Variants in RAP1GDS1 observed in about 807,000 individuals in gnomAD.
RAP1GDS1 encodes Rap1 GTPase-GDP dissociation stimulator 1.
A neutral mutation model predicts 71.1 loss-of-function variants in RAP1GDS1; 35 were observed. That is an observed-to-expected ratio of 0.49 (90% confidence interval 0.38 to 0.65). The LOEUF is 0.65. Among genes scored for constraint, RAP1GDS1 ranks in the 30% least tolerant of loss-of-function variants. The pLI is 0.00. For missense variants in RAP1GDS1, 663 were observed against 706.1 expected, an observed-to-expected ratio of 0.94 and a Z score of 0.69; for synonymous variants, 229 against 243.1, an observed-to-expected ratio of 0.94 and a Z score of 0.54.
intron 5 of RAP1GDS1, among the ~76,000 whole-genome samples, chr4:98,380,083 A>G (rs1741768539): frequency 9.5e-6 from 1 of 105,676 alleles, no homozygotes; most frequent in Non-Finnish European, 1.8e-5. Flanking sequence ...TCAATAATTC[A>G]AAAAAAAAAA....
chr4:98,368,007 G>A (rs1369597373), intron 4 of RAP1GDS1, among the ~76,000 whole-genome samples: 1 of 152,044 alleles, frequency 6.6e-6, no homozygotes, highest in Non-Finnish European at 1.5e-5. Flanking sequence ...AGGGGCCGGG[G>A]GTGGAATGAT....
chr4:98,402,891 T>C (rs1208614555), intron 6 of RAP1GDS1, among the ~76,000 whole-genome samples: 1 of 152,212 alleles, frequency 6.6e-6, no homozygotes, highest in Non-Finnish European at 1.5e-5. Context: ...GTGTGTAAGA[T>C]GGACATTTAT....
chr4:98,353,247 T>G, intron 4 of RAP1GDS1, among the ~76,000 whole-genome samples: 1 of 152,340 alleles, frequency 6.6e-6, no homozygotes, highest in East Asian at 1.9e-4. Context: ...TTAAGTATAT[T>G]TAGCTTAACT....
intron 7 of RAP1GDS1, among the ~76,000 whole-genome samples, chr4:98,407,837 AAAT>A (rs1746374103): frequency 1.3e-5 from 2 of 152,254 alleles, no homozygotes; most frequent in South Asian, 2.1e-4. Flanking sequence ...ATTTTAAAAA[AAAT>A]AATAATAAGC....
At chr4:98,277,541 C>A (rs1178236295) in intron 1 of RAP1GDS1, among the ~76,000 whole-genome samples, 3 of 152,090 alleles carry the variant, frequency 2.0e-5, no homozygotes, top group East Asian at 1.9e-4. Context: ...TATATTATTT[C>A]TTCTAGAATA....
intron 1 of RAP1GDS1, among the ~76,000 whole-genome samples, chr4:98,265,832 G>T (rs1722651507): frequency 6.6e-6 from 1 of 152,096 alleles, no homozygotes; most frequent in African/African-American, 2.4e-5. Flanking sequence ...AGTCAGGAGG[G>T]TGATAGGGAC....
chr4:98,299,710 G>T lies in RAP1GDS1; in HGVS notation c.112+6195G>T, dbSNP rs1308923321. Among the ~76,000 whole-genome samples, 7 of 150,742 alleles carry T rather than the reference G, an allele frequency of 4.6e-5. No homozygotes were observed. In the East Asian group the frequency reaches 1.2e-3, roughly 26 times the overall value. On this transcript the variant is annotated intron_variant, in intron 2 of 14. Transcript: ENST00000408927. ...AATGCAGTGGCACGATCTCAGCTCA[G>T]TGCAACCTCCACCTCCCAGGTTCAA...
At chr4:98,383,052 A>G (rs1472736788) in intron 5 of RAP1GDS1, among the ~76,000 whole-genome samples, 1 of 151,654 alleles carries the variant, frequency 6.6e-6, no homozygotes, top group African/African-American at 2.4e-5. Context: ...ATCTAAAGCA[A>G]AGCACTAAAG....
At position 98,343,156 on chromosome 4, in the gene RAP1GDS1, A is replaced by G; in HGVS notation, c.130A>G (p.Lys44Glu). The G allele has an allele frequency of 6.2e-7, 1 of 1,608,922 alleles. No individual in the cohort carries two copies. Among genetic ancestry groups the G allele is most frequent in the Non-Finnish European group, 8.5e-7 (1 of 1,176,936 alleles). ...TCTTTTAGATACGGAAACAAGTGAA[A>G]AAATCCAAGCAAGTGGAATACTTCA... ...LAQNNTETSE[K>E]IQASGILQLF... Residue 44 changes from lysine to glutamate, a missense_variant, in exon 3 of 15, where the codon AAA becomes GAA. By Grantham distance (56) the Lys-to-Glu change is moderately conservative. Transcript: ENST00000408927.
chr4:98,409,739 T>C, intron 7 of RAP1GDS1: 2 of 478,234 alleles, frequency 4.2e-6, no homozygotes, highest in Non-Finnish European at 8.5e-6. Context: ...TGCTGGAACC[T>C]CTTCCCTATG....
chr4:98,312,767 G>A (rs1578398317), intron 2 of RAP1GDS1, among the ~76,000 whole-genome samples: 1 of 151,716 alleles, frequency 6.6e-6, no homozygotes, highest in Non-Finnish European at 1.5e-5. Context: ...GTATGGGCGG[G>A]GGGAGAGAGA....
At chr4:98,436,874 T>C (rs1295674841) in intron 13 of RAP1GDS1, 66 bp from the exon 14 acceptor site, 16 of 1,403,720 alleles carry the variant, frequency 1.1e-5, no homozygotes, top group South Asian at 1.9e-5. Context: ...TTCTTCAAAA[T>C]GAAGCAGTGT....
At chr4:98,395,989 G>A (rs918784822) in intron 6 of RAP1GDS1, 1 of 157,594 alleles carries the variant, frequency 6.3e-6, no homozygotes, top group African/African-American at 2.4e-5. Flanking sequence ...GAGGGACTCA[G>A]GAAGCTTACA....
At chr4:98,335,550 GTT>G (rs33949671) in intron 2 of RAP1GDS1, among the ~76,000 whole-genome samples, 5 of 148,586 alleles carry the variant, frequency 3.4e-5, no homozygotes, top group African/African-American at 1.2e-4. Flanking sequence ...ATATGAAAAA[GTT>G]TTTTTTTTAT....
At chr4:98,391,801 C>A in intron 5 of RAP1GDS1, 151 bp from the exon 6 acceptor site, 2 of 755,954 alleles carry the variant, frequency 2.6e-6, no homozygotes, top group African/African-American at 1.8e-5. Flanking sequence ...ATGTTCAACA[C>A]AATCATATGA....
Position 98,326,503 on chromosome 4 carries a change from A to G in RAP1GDS1, c.113-16636A>G, listed in dbSNP as rs536844231. Among the ~76,000 whole-genome samples the G allele has an allele frequency of 2.0e-5, 3 of 152,316 alleles. No individual in the cohort carries two copies. In the South Asian group the frequency reaches 6.2e-4, roughly 32 times the overall value. On this transcript the variant is annotated intron_variant, in intron 2 of 14. Coordinates refer to ENST00000408927, the MANE Select transcript of RAP1GDS1 (RefSeq NM_001100427.2). ...TTTATTCCCATTAAACTTTAAAAAC[A>G]TTTTGGCTTTATTTAAGCCAACATG... is the stretch of plus-strand genomic sequence containing the variant.
chr4:98,339,867 A>G (rs77501860), intron 2 of RAP1GDS1, among the ~76,000 whole-genome samples: 6,278 of 152,236 alleles, frequency 0.041, 275 homozygotes, highest in African/African-American at 0.12. Context: ...GCTGGTGGGA[A>G]TGTAAATAGT....
rs1294604487 is a variant in RAP1GDS1 at position 98,379,122 on chromosome 4, C to T, written c.467C>T (p.Thr156Ile). 1.2e-6 allele frequency: 2 copies of T among 1,609,616 alleles called. No individual in the cohort carries two copies. Among genetic ancestry groups the T allele is most frequent in the Non-Finnish European group, 1.7e-6 (2 of 1,177,904 alleles). Residue 156 changes from threonine to isoleucine, a missense_variant, in exon 5 of 15, where the codon ACT (threonine) becomes ATT (isoleucine). Coordinates refer to ENST00000408927, the MANE Select transcript of RAP1GDS1 (RefSeq NM_001100427.2). ...ITDPANEKLLTVFCGMLMNYS... is the reference protein window; with the variant it reads ...ITDPANEKLLIVFCGMLMNYS... ...GATCCCGCCAATGAGAAGCTCTTGACTGTCTTTTGTGGCATGCTGATGAAC... is the reference window on the plus strand; with the variant it reads ...GATCCCGCCAATGAGAAGCTCTTGATTGTCTTTTGTGGCATGCTGATGAAC...
chr4:98,344,077 G>A (rs1163428573), intron 3 of RAP1GDS1, among the ~76,000 whole-genome samples: 1 of 152,114 alleles, frequency 6.6e-6, no homozygotes, highest in Admixed American at 6.5e-5. Flanking sequence ...AGTATATGTT[G>A]GTTTGGGCTG....
Sources: gnomAD v4.1 joint callset for allele counts (sites outside exome capture counted in the v4.1 genomes callset) on GRCh38, gnomAD v4.1.1 for gene constraint, MANE v1.5 for transcripts, NCBI Gene and HGNC (gene_info 2026-07-23, HGNC 2026-07-21) for gene names.